Variants in MYEF2 observed in about 807,000 individuals in gnomAD.
The protein encoded by MYEF2 is myelin gene expression factor 2.
Under a neutral mutation model 75.2 loss-of-function variants are expected in MYEF2, and 37 were observed. The ratio of observed to expected loss-of-function variants is 0.49; its 90% CI spans 0.38 to 0.65. MYEF2 has a LOEUF of 0.65. Among genes scored for constraint, MYEF2 ranks in the 30% least tolerant of loss-of-function variants. The pLI is 0.00. For synonymous variants in MYEF2, 195 were observed against 241.6 expected, an observed-to-expected ratio of 0.81 and a Z score of 1.79; for missense variants, 634 against 771.4, an observed-to-expected ratio of 0.82 and a Z score of 2.11.
rs758609452 is a variant in MYEF2 at position 48,178,202 on chromosome 15, G to C, written c.36C>G (p.Ala12=). The C allele has an allele frequency of 2.0e-6, 3 of 1,495,780 alleles. No homozygotes were observed. In the East Asian group the frequency reaches 8.4e-5, roughly 42 times the overall value. 92.7% of individuals were successfully genotyped at this position (1,495,780 alleles called of 1,614,324 possible). Residue 12 remains alanine (A), a synonymous_variant, in exon 1 of 17, where the codon GCC becomes GCG. Coordinates refer to ENST00000324324, the MANE Select transcript of MYEF2 (RefSeq NM_016132.5). ...ADANKAEVPG[A]TGGDSPHLQP... is the part of the protein sequence containing the mutation. ...GCAGGTGCGGGCTGTCGCCACCAGT[G>C]GCCCCGGGCACCTCGGCCTTGTTGG... is the stretch of plus-strand genomic sequence containing the variant.
At position 48,142,924 on chromosome 15, in the gene MYEF2, A is replaced by C; in HGVS notation, c.1787T>G (p.Leu596Trp). 6.3e-7 allele frequency: 1 copy of C among 1,595,856 alleles called. No individual in the cohort carries two copies. The highest frequency in any genetic ancestry group is 8.5e-7 in the Non-Finnish European group (1 of 1,172,196). Reference protein sequence around the residue: ...KISGREIDVRLDRNA With the variant: ...KISGREIDVRWDRNA ...GGCTTGAAATTATGCATTACGATCC[A>C]AGCGAACATCAATTTCTCTGCCACT... Residue 596 changes from leucine (L) to tryptophan (W), a missense_variant, in exon 17 of 17, where the codon TTG becomes TGG. Leu to Trp is a moderately conservative substitution (Grantham distance 61). Coordinates refer to ENST00000324324, the MANE Select transcript of MYEF2 (RefSeq NM_016132.5).
intron 16 of MYEF2, among the ~76,000 whole-genome samples, chr15:48,148,397 C>T (rs2039370545): frequency 6.6e-6 from 1 of 152,006 alleles, no homozygotes; most frequent in Admixed American, 6.6e-5. Flanking sequence ...TAATCTTCCA[C>T]AGACCTGTGG....
chr15:48,158,276 G>T, intron 7 of MYEF2, 52 bp from the exon 8 acceptor site: 1 of 1,514,936 alleles, frequency 6.6e-7, no homozygotes, highest in South Asian at 1.2e-5. Flanking sequence ...AATTATAACA[G>T]AACACAAACT....
At position 48,138,964 on chromosome 15, in the gene MYEF2, A is replaced by C; in HGVS notation, c.*3944T>G. On this transcript the variant is annotated 3_prime_UTR_variant, in exon 17 of 17. Transcript: ENST00000324324. ...ACTCAAAAGTGTTTACTTTTTCCAC[A>C]ACAGATCCACCAAGTGTTTTCAACA... is the stretch of plus-strand genomic sequence containing the variant. The C allele has an allele frequency of 6.2e-7, 1 of 1,608,236 alleles. No homozygotes were observed. The highest frequency in any genetic ancestry group is 1.1e-5 in the South Asian group (1 of 90,350).
chr15:48,168,705 C>A lies in MYEF2; in HGVS notation c.296G>T (p.Arg99Leu). 1 of 1,613,888 alleles carries A rather than the reference C, an allele frequency of 6.2e-7. No homozygotes were observed. Among genetic ancestry groups the A allele is most frequent in the Non-Finnish European group, 8.5e-7 (1 of 1,179,838 alleles). ...SGAGEKKGPNRNRVFISNIPY... is the reference protein window; with the variant it reads ...SGAGEKKGPNLNRVFISNIPY... ...GATGTTGCTAATGAAAACTCTGTTA[C>A]GATTTGGACCCTTCTTTTCTCCAGC... Residue 99 changes from arginine to leucine, a missense_variant, in exon 2 of 17, where the codon CGT becomes CTT. Arg to Leu is a moderately radical substitution (Grantham distance 102). Coordinates refer to ENST00000324324, the MANE Select transcript of MYEF2 (RefSeq NM_016132.5).
intron 1 of MYEF2, among the ~76,000 whole-genome samples, chr15:48,174,154 G>A (rs999082767): frequency 1.3e-5 from 2 of 152,014 alleles, no homozygotes; most frequent in African/African-American, 4.8e-5. Flanking sequence ...ACAGACCAAT[G>A]GAGCATAACA....
chr15:48,142,926 G>C lies in MYEF2; in HGVS notation c.1785C>G (p.Arg595=). 1 of 1,594,946 alleles carries C rather than the reference G, an allele frequency of 6.3e-7. No individual in the cohort carries two copies. Among genetic ancestry groups the C allele is most frequent in the Non-Finnish European group, 8.5e-7 (1 of 1,171,788 alleles). Residue 595 remains arginine, a synonymous_variant, in exon 17 of 17, where the codon CGC becomes CGG. Coordinates refer to ENST00000324324, the MANE Select transcript of MYEF2 (RefSeq NM_016132.5). ...IKISGREIDV[R]LDRNA ...CTTGAAATTATGCATTACGATCCAAGCGAACATCAATTTCTCTGCCACTGA... is the reference window on the plus strand; with the variant it reads ...CTTGAAATTATGCATTACGATCCAACCGAACATCAATTTCTCTGCCACTGA...
rs2140833291 is a variant in MYEF2 at position 48,149,735 on chromosome 15, T to C, written c.1379-364A>G. The C allele has an allele frequency of 6.4e-6, 1 of 156,552 alleles. No individual in the cohort carries two copies. The highest frequency in any genetic ancestry group is 1.4e-5 in the Non-Finnish European group (1 of 71,084). The allele number at this position is 156,552 out of a possible 1,614,324, so 9.7% of individuals were successfully genotyped here. A position where few individuals can be genotyped will look rare whatever the true frequency, so the allele number is the denominator to read the frequency against. On this transcript the variant is annotated intron_variant, in intron 14 of 16. Coordinates refer to ENST00000324324, the MANE Select transcript of MYEF2 (RefSeq NM_016132.5). The surrounding 1 kb of genome is among the most constrained non-coding windows in gnomAD (Gnocchi z 4.0). ...GCTTCCAATAACAGGACAGTTGTTC[T>C]GATCCTTATTTTTATTTTCCAATAA...
chr15:48,142,259 T>G lies in MYEF2; in HGVS notation c.*649A>C, dbSNP rs200461129. On this transcript the variant is annotated 3_prime_UTR_variant, in exon 17 of 17. Transcript: ENST00000324324. ...ACTAGACAGAAAGTTGGGAATAGTC[T>G]GCCTATTATCATACTTGGGGCTTGC... 2.4e-5 allele frequency: 39 copies of G among 1,613,690 alleles called. No individual in the cohort carries two copies. In the East Asian group the frequency reaches 8.3e-4, roughly 34 times the overall value.
At position 48,162,077 on chromosome 15, in the gene MYEF2, T is replaced by G. The variant is rs183434198; in HGVS notation, c.526-2273A>C. Among the ~76,000 whole-genome samples the G allele has an allele frequency of 1.8e-4, 28 of 151,966 alleles. No homozygotes were observed. The East Asian group carries it at 3.7e-3, about 20-fold the overall frequency. ...TTCTATACATTCCTGTTAATAACTT[T>G]TTTAATAATAAACCCCAGACTCAAA... On this transcript the variant is annotated intron_variant, in intron 5 of 16. Coordinates refer to ENST00000324324, the MANE Select transcript of MYEF2 (RefSeq NM_016132.5).
intron 9 of MYEF2, among the ~76,000 whole-genome samples, chr15:48,155,121 G>T (rs992463176): frequency 1.3e-5 from 2 of 151,830 alleles, no homozygotes; most frequent in African/African-American, 4.8e-5. Context: ...ATTTCATGGT[G>T]AAAAAAACTA....
chr15:48,161,357 T>G (rs1251874727), intron 5 of MYEF2, among the ~76,000 whole-genome samples: 1 of 152,002 alleles, frequency 6.6e-6, no homozygotes, highest in African/African-American at 2.4e-5. Flanking sequence ...TAAAGTCTGT[T>G]AAGGAACATT....
chr15:48,145,438 G>T (rs1248138957), intron 16 of MYEF2, among the ~76,000 whole-genome samples: 2 of 151,742 alleles, frequency 1.3e-5, no homozygotes, highest in African/African-American at 2.4e-5. Context: ...TAATAATCTT[G>T]TACGATTCCA....
At chr15:48,160,486 T>TACATACACATAC (rs200591805) in intron 5 of MYEF2, among the ~76,000 whole-genome samples, 3 of 139,218 alleles carry the variant, frequency 2.2e-5, no homozygotes, top group Non-Finnish European at 4.7e-5. Context: ...AAACCAAACA[T>TACATACACATAC]ACACACACAC....
rs777368271 is a variant in MYEF2 at position 48,153,775 on chromosome 15, G to A, written c.1087+17C>T. On this transcript the variant is annotated intron_variant, in intron 10 of 16. Coordinates refer to ENST00000324324, the MANE Select transcript of MYEF2 (RefSeq NM_016132.5). ...TATGTATCATTTAAAAAGAAAAGAG[G>A]AAGTTAGAATACTCACCACCTGGAC... The A allele has an allele frequency of 1.2e-6, 2 of 1,600,074 alleles. No homozygotes were observed. Among genetic ancestry groups the A allele is most frequent in the East Asian group, 2.2e-5 (1 of 44,702 alleles).
intron 9 of MYEF2, among the ~76,000 whole-genome samples, chr15:48,154,566 C>G (rs1203213965): frequency 6.6e-6 from 1 of 152,090 alleles, no homozygotes; most frequent in Non-Finnish European, 1.5e-5. Context: ...GACGATTCAA[C>G]AAATAGCTGA....
Position 48,142,495 on chromosome 15 carries a change from T to C in MYEF2, c.*413A>G, listed in dbSNP as rs887820558. The C allele has an allele frequency of 6.7e-6, 4 of 600,904 alleles. No homozygotes were observed. The highest frequency in any genetic ancestry group is 5.7e-5 in the African/African-American group (3 of 53,078). The allele number at this position is 600,904 out of a possible 1,614,324, so 37.2% of individuals were successfully genotyped here. ...TAATTTAAAACCAACCAAAATCACATCCTAATTTTTCTGAGCCCTTTCTTT... is the reference window on the plus strand; with the variant it reads ...TAATTTAAAACCAACCAAAATCACACCCTAATTTTTCTGAGCCCTTTCTTT... On this transcript the variant is annotated 3_prime_UTR_variant, in exon 17 of 17. Transcript: ENST00000324324.
At position 48,137,431 on chromosome 15, in the gene MYEF2, G is replaced by C. The variant is rs534955268; in HGVS notation, c.*5477C>G. On this transcript the variant is annotated 3_prime_UTR_variant, in exon 17 of 17. Coordinates refer to ENST00000324324, the MANE Select transcript of MYEF2 (RefSeq NM_016132.5). ...AGGAGAGGAAAGGTAGAAAGGAATA[G>C]GATAAGAAGAATCTTAAATGCTATT... The C allele has an allele frequency of 1.3e-5, 2 of 152,736 alleles. 1 individual carries two copies. The highest frequency in any genetic ancestry group is 3.8e-4 in the East Asian group (2 of 5,200). 9.5% of individuals were successfully genotyped at this position (152,736 alleles called of 1,614,324 possible). A position where few individuals can be genotyped will look rare whatever the true frequency, so the allele number is the denominator to read the frequency against.
Position 48,152,261 on chromosome 15 carries a change from A to G in MYEF2, c.1111T>C (p.Phe371Leu). Residue 371 changes from phenylalanine (F) to leucine (L), a missense_variant, in exon 11 of 17, where the codon TTT (phenylalanine) becomes CTT (leucine). Transcript: ENST00000324324. The stretch of plus-strand genomic sequence containing the variant: ...CCTCCAATTCTATTCATTCCTCCAA[A>G]ACCTGGACCATCCATTCCCATACCT... ...PGGMGMDGPG[F>L]GGMNRIGGGI... The G allele has an allele frequency of 6.2e-7, 1 of 1,612,042 alleles. No homozygotes were observed. Among genetic ancestry groups the G allele is most frequent in the South Asian group, 1.1e-5 (1 of 90,982 alleles).
Sources: gnomAD v4.1 joint callset for allele counts (sites outside exome capture counted in the v4.1 genomes callset) on GRCh38, gnomAD v4.1.1 for gene constraint, Gnocchi (gnomAD v3.1) non-coding constraint, MANE v1.5 for transcripts, NCBI Gene and HGNC (gene_info 2026-07-23, HGNC 2026-07-21) for gene names.